SHISA6: variants seen among roughly 807,000 people sequenced by gnomAD.
The protein encoded by SHISA6 is protein shisa-6.
In SHISA6, 22 loss-of-function variants were observed where a neutral mutation model predicts 47.9. The observed-to-expected ratio is 0.46, with a 90% confidence interval of 0.33 to 0.66. The LOEUF (loss-of-function observed/expected upper bound fraction) is 0.66, where lower values mean the gene tolerates loss of function less well. SHISA6 is among the 30% of genes least tolerant of loss of function. The probability of loss-of-function intolerance (pLI) is 0.02; values close to 1 mark genes in which losing one functional copy is unlikely to be tolerated. For synonymous variants in SHISA6, 388 were observed against 337.8 expected (o/e 1.15, Z -1.63); for missense variants, 680 against 764.6 (o/e 0.89, Z 1.30).
At chr17:11,407,389 C>T (rs1019239371) in intron 3 of SHISA6, among the ~76,000 whole-genome samples, 4 of 152,090 alleles carry the variant, frequency 2.6e-5, no homozygotes, top group Middle Eastern at 3.2e-3. Flanking sequence ...CTTTCAAGAT[C>T]CAGCATAATC....
At chr17:11,403,176 G>T (rs1913837724) in intron 3 of SHISA6, among the ~76,000 whole-genome samples, 1 of 152,214 alleles carries the variant, frequency 6.6e-6, no homozygotes, top group Non-Finnish European at 1.5e-5. Context: ...TTACTTTAGT[G>T]AGAATCCTTT....
At chr17:11,403,326 T>C (rs1318767496) in intron 3 of SHISA6, among the ~76,000 whole-genome samples, 3 of 152,208 alleles carry the variant, frequency 2.0e-5, no homozygotes. Flanking sequence ...TTCATCTCTT[T>C]GCATGGATGC....
At chr17:11,401,610 A>T (rs1287661008) in intron 3 of SHISA6, among the ~76,000 whole-genome samples, 2 of 152,212 alleles carry the variant, frequency 1.3e-5, no homozygotes, top group African/African-American at 2.4e-5. Flanking sequence ...TAGTCATCAC[A>T]ATAGTAGGCT....
Position 11,451,006 on chromosome 17 carries a change from A to G in SHISA6, c.895+71497A>G, listed in dbSNP as rs1488561701. 4.0e-5 allele frequency among the ~76,000 whole-genome samples: 6 copies of G among 151,878 alleles called. No individual in the cohort carries two copies. The South Asian group carries it at 1.3e-3, about 32-fold the overall frequency. ...GGAAAATAGAAAATTAAAAAAAAAA[A>G]AAAAAAACAGATTTGGCCAGATTAT... On this transcript the variant is annotated intron_variant, in intron 3 of 5. Transcript: ENST00000441885.
At chr17:11,369,060 C>T (rs1912544118) in intron 2 of SHISA6, among the ~76,000 whole-genome samples, 1 of 152,180 alleles carries the variant, frequency 6.6e-6, no homozygotes, top group East Asian at 1.9e-4. Context: ...TCATCCAGAG[C>T]CACACAGCTA....
intron 2 of SHISA6, among the ~76,000 whole-genome samples, chr17:11,366,040 A>G (rs890901616): frequency 6.6e-6 from 1 of 152,228 alleles, no homozygotes; most frequent in Non-Finnish European, 1.5e-5. Context: ...AATGCTAGAA[A>G]AACAGAAGGA....
At chr17:11,555,654 G>A in intron 4 of SHISA6, 86 bp from the exon 5 acceptor site, 9 of 1,391,670 alleles carry the variant, frequency 6.5e-6, no homozygotes, top group Non-Finnish European at 8.5e-6. Flanking sequence ...AGGAGGATGG[G>A]GATTCGAATC....
intron 2 of SHISA6, among the ~76,000 whole-genome samples, chr17:11,362,355 G>T (rs1404979594): frequency 6.6e-6 from 1 of 152,108 alleles, no homozygotes; most frequent in Non-Finnish European, 1.5e-5. Flanking sequence ...GTCCAAGCAG[G>T]TCTCAAACTC....
intron 3 of SHISA6, among the ~76,000 whole-genome samples, chr17:11,525,734 G>A (rs867079188): frequency 4.6e-4 from 70 of 150,568 alleles, no homozygotes; most frequent in African/African-American, 1.4e-3. Flanking sequence ...CAGTCTTTAT[G>A]GCTGGGTCTG....
At chr17:11,524,115 A>G (rs1172236387) in intron 3 of SHISA6, among the ~76,000 whole-genome samples, 1 of 152,126 alleles carries the variant, frequency 6.6e-6, no homozygotes, top group East Asian at 1.9e-4. Flanking sequence ...AAGAAAGAAA[A>G]TAATACACAT....
At chr17:11,513,044 CTTAAT>C (rs1164608502) in intron 3 of SHISA6, among the ~76,000 whole-genome samples, 1 of 151,942 alleles carries the variant, frequency 6.6e-6, no homozygotes, top group East Asian at 1.9e-4. Flanking sequence ...ATACATATTA[CTTAAT>C]TTATTTTCAG....
intron 2 of SHISA6, among the ~76,000 whole-genome samples, chr17:11,277,280 T>TCTCTCTCACA (rs1386997909): frequency 0.023 from 1,222 of 53,634 alleles, 8 homozygotes; most frequent in Non-Finnish European, 0.032. Flanking sequence ...TCTCTCTCTC[T>TCTCTCTCACA]CACACACACA....
intron 2 of SHISA6, among the ~76,000 whole-genome samples, chr17:11,340,735 C>T (rs1260087217): frequency 1.3e-5 from 2 of 152,186 alleles, no homozygotes; most frequent in African/African-American, 4.8e-5. Flanking sequence ...AGAGATGACT[C>T]CCCAATTACA....
chr17:11,542,021 C>T (rs1355103009), intron 3 of SHISA6, among the ~76,000 whole-genome samples: 1 of 152,142 alleles, frequency 6.6e-6, no homozygotes, highest in Admixed American at 6.5e-5. Context: ...ATCTGAGAAG[C>T]ATTTATGGTT....
intron 3 of SHISA6, among the ~76,000 whole-genome samples, chr17:11,547,690 A>C (rs1017009633): frequency 1.2e-4 from 19 of 152,218 alleles, no homozygotes; most frequent in African/African-American, 4.6e-4. Context: ...GGCAGGAATT[A>C]GCAAATTCAA....
intron 3 of SHISA6, among the ~76,000 whole-genome samples, chr17:11,494,637 T>C (rs763281634): frequency 3.3e-5 from 5 of 152,182 alleles, no homozygotes; most frequent in Non-Finnish European, 5.9e-5. Flanking sequence ...TGAGGAAAGA[T>C]AGGGCTTTAA....
intron 2 of SHISA6, among the ~76,000 whole-genome samples, chr17:11,376,754 T>C (rs1423319010): frequency 6.6e-6 from 1 of 152,216 alleles, no homozygotes; most frequent in Non-Finnish European, 1.5e-5. Context: ...GACCTATCAC[T>C]GGTCCAAACA....
chr17:11,548,673 T>G (rs1419567444), intron 3 of SHISA6, among the ~76,000 whole-genome samples: 1 of 152,144 alleles, frequency 6.6e-6, no homozygotes, highest in Non-Finnish European at 1.5e-5. Context: ...GCTAAAGATG[T>G]GTGCTCAGGG....
Position 11,558,272 on chromosome 17 carries a change from T to G in SHISA6, c.1624T>G (p.Tyr542Asp). Residue 542 changes from tyrosine (Y) to aspartate (D), a missense_variant, in exon 6 of 6, where the codon TAC becomes GAC. Physicochemically the swap from Tyr to Asp is radical, Grantham distance 160 (BLOSUM62 -3). This residue lies in a region of SHISA6 where 559 missense variants were observed against 674.1 expected (regional missense o/e 0.83). Transcript: ENST00000441885. ...CTACATCCCGGGCCACCACACCTGC[T>G]ACACAGCCAGCAAGACCGAAGTGAC... is the stretch of plus-strand genomic sequence containing the variant. ...LHYIPGHHTC[Y>D]TASKTEVTV The G allele has an allele frequency of 6.5e-7, 1 of 1,539,346 alleles. No individual in the cohort carries two copies. Among genetic ancestry groups the G allele is most frequent in the Non-Finnish European group, 8.7e-7 (1 of 1,146,900 alleles).
Sources: allele counts gnomAD v4.1 joint callset (sites outside exome capture counted in the v4.1 genomes callset), GRCh38; gene constraint gnomAD v4.1.1; regional missense constraint gnomAD v4.1.1; transcripts MANE v1.5; gene names NCBI Gene and HGNC (gene_info 2026-07-23, HGNC 2026-07-21).